Variants in ZNF805 observed in about 807,000 individuals in gnomAD.
The protein encoded by ZNF805 is zinc finger protein 805.
ZNF805 carries 7 observed loss-of-function variants against 13.6 expected under a neutral mutation model. That is an observed-to-expected ratio of 0.51 (90% confidence interval 0.29 to 0.97). The LOEUF (loss-of-function observed/expected upper bound fraction) is 0.97. Among genes scored for constraint, ZNF805 ranks in the 50% least tolerant of loss-of-function variants. The probability of loss-of-function intolerance (pLI) is 0.08; values close to 1 mark genes in which losing one functional copy is unlikely to be tolerated. For synonymous variants in ZNF805, 293 were observed against 279.8 expected, an observed-to-expected ratio of 1.05 and a Z score of -0.47; for missense variants, 604 against 771.0, an observed-to-expected ratio of 0.78 and a Z score of 2.57.
At chr19:57,244,084 G>GCCTT in intron 2 of ZNF805, 35 bp downstream of exon 2, 2 of 1,600,896 alleles carry the variant, frequency 1.2e-6, no homozygotes, top group Non-Finnish European at 1.7e-6. Flanking sequence ...CAGGGGATCT[G>GCCTT]CCACCTCCTT....
rs890971364 is a variant in ZNF805 at position 57,259,745 on chromosome 19, A to G, written c.*5042A>G. Among the ~76,000 whole-genome samples, 9 of 152,158 alleles carry G rather than the reference A, an allele frequency of 5.9e-5. No homozygotes were observed. The highest frequency in any genetic ancestry group is 2.9e-5 in the Non-Finnish European group (2 of 68,014). On this transcript the variant is annotated 3_prime_UTR_variant, in exon 4 of 4. Transcript: ENST00000414468. ...ATGGTCTCGATTTCCTGATCTGGTG[A>G]TCCACCTGCCTCGGCCTCCCGAAGT...
chr19:57,242,174 A>G (rs1440738462), intron 1 of ZNF805, among the ~76,000 whole-genome samples: 2 of 152,256 alleles, frequency 1.3e-5, no homozygotes, highest in African/African-American at 2.4e-5. Flanking sequence ...GCTGAAAGTC[A>G]CATAGCACTT....
At position 57,243,925 on chromosome 19, in the gene ZNF805, G is replaced by A. The variant is rs756295739; in HGVS notation, c.33G>A (p.Val11=). 1.2e-6 allele frequency: 2 copies of A among 1,614,062 alleles called. No individual in the cohort carries two copies. Among genetic ancestry groups the A allele is most frequent in the Non-Finnish European group, 1.7e-6 (2 of 1,180,044 alleles). The change falls in exon 2 of 4, where the codon GTG becomes GTA. Residue 11 remains valine (V), a splice_region_variant and synonymous_variant. Transcript: ENST00000414468. ...ACTACCTCTATTTGACATTTCAGGT[G>A]TCTGTGACCTTTGATGATGTGGCTG... MAMALTDPAQ[V]SVTFDDVAVT...
rs1396111932 is a variant in ZNF805, at chr19:57,256,038, A to T, written c.*1335A>T. 6.6e-6 allele frequency among the ~76,000 whole-genome samples: 1 copy of T among 152,054 alleles called. No homozygotes were observed. The highest frequency in any genetic ancestry group is 1.9e-4 in the East Asian group (1 of 5,196). ...GCTGGGATTTTTTTGGTTATTATTA[A>T]TAAGTGTTGAATTTTGTCATATGCT... On this transcript the variant is annotated 3_prime_UTR_variant, in exon 4 of 4. Transcript: ENST00000414468.
intron 2 of ZNF805, among the ~76,000 whole-genome samples, chr19:57,245,675 A>T (rs1448692533): frequency 6.6e-6 from 1 of 151,124 alleles, no homozygotes; most frequent in African/African-American, 2.4e-5. Flanking sequence ...GCTACTCGGG[A>T]GGCTGAGGCA....
At chr19:57,252,654 A>G (rs1217551799) in intron 3 of ZNF805, among the ~76,000 whole-genome samples, 1 of 152,220 alleles carries the variant, frequency 6.6e-6, no homozygotes, top group Non-Finnish European at 1.5e-5. Flanking sequence ...TGAAGTTTCC[A>G]GCCTTCGTCC....
At chr19:57,249,068 T>G (rs1453533549) in intron 3 of ZNF805, among the ~76,000 whole-genome samples, 1 of 152,164 alleles carries the variant, frequency 6.6e-6, no homozygotes, top group Admixed American at 6.5e-5. Context: ...TGAAAACTCT[T>G]TTTCACTCAT....
rs372307504 is a variant in ZNF805, at chr19:57,254,433, G to A, written c.1614G>A (p.Pro538=). The A allele has an allele frequency of 8.1e-5, 131 of 1,613,816 alleles. No homozygotes were observed. The Middle Eastern group carries it at 2.3e-3, about 28-fold the overall frequency. ...RHSIIHTGEK[P]YECSECGKAF... ...CTATCATCCACACTGGAGAGAAGCC[G>A]TATGAGTGCAGTGAATGTGGAAAGG... The change falls in exon 4 of 4, where the codon CCG becomes CCA. Residue 538 remains proline, a synonymous_variant. Transcript: ENST00000414468.
Position 57,254,623 on chromosome 19 carries a change from A to G in ZNF805, c.1804A>G (p.Asn602Asp). ...KNFLNVTTEE[N>D]LLQEEASYMA... is the part of the protein sequence containing the mutation. Reference sequence around the variant, plus strand: ...CTTTTTGAATGTCACCACTGAGGAAAATCTTTTGCAAGAGGAAGCATCTTA... The same window carrying G: ...CTTTTTGAATGTCACCACTGAGGAAGATCTTTTGCAAGAGGAAGCATCTTA... The change falls in exon 4 of 4, where the codon AAT becomes GAT. Residue 602 changes from asparagine (N) to aspartate (D), a missense_variant. By Grantham distance (23) the Asn-to-Asp change is conservative. Transcript: ENST00000414468. 1.2e-6 allele frequency: 2 copies of G among 1,614,136 alleles called. No homozygotes were observed. The highest frequency in any genetic ancestry group is 4.5e-5 in the East Asian group (2 of 44,890).
intron 2 of ZNF805, among the ~76,000 whole-genome samples, chr19:57,244,689 C>G (rs182006853): frequency 6.6e-6 from 1 of 152,288 alleles, no homozygotes; most frequent in African/African-American, 2.4e-5. Context: ...TGAGAACCGC[C>G]ACGATGGGGT....
At chr19:57,246,955 C>T (rs890397324) in intron 2 of ZNF805, among the ~76,000 whole-genome samples, 2 of 152,028 alleles carry the variant, frequency 1.3e-5, no homozygotes, top group African/African-American at 4.8e-5. Context: ...TTAACTTACT[C>T]AGCACAGATG....
Position 57,254,649 on chromosome 19 carries a change from C to A in ZNF805, c.1830C>A (p.Tyr610Ter). Reference sequence around the variant, plus strand: ...ATCTTTTGCAAGAGGAAGCATCTTACATGGCATCTGATCGTACATACCAAA... The same window carrying A: ...ATCTTTTGCAAGAGGAAGCATCTTAAATGGCATCTGATCGTACATACCAAA... Reference protein sequence around the residue: ...EENLLQEEASYMASDRTYQRE... With the variant: ...EENLLQEEAS Residue 610 changes from tyrosine (Y) to a stop codon, truncating the protein, a stop_gained, in exon 4 of 4, where the codon TAC becomes TAA. Coordinates refer to ENST00000414468, the MANE Select transcript of ZNF805 (RefSeq NM_001023563.4). LOFTEE classifies it low-confidence loss of function (END_TRUNC). The A allele has an allele frequency of 6.2e-7, 1 of 1,614,134 alleles. No individual in the cohort carries two copies. The highest frequency in any genetic ancestry group is 8.5e-7 in the Non-Finnish European group (1 of 1,179,976).
rs879819018 is a variant in ZNF805, at chr19:57,259,966, G to A, written c.*5263G>A. Among the ~76,000 whole-genome samples, 8 of 152,186 alleles carry A rather than the reference G, an allele frequency of 5.3e-5. No homozygotes were observed. The highest frequency in any genetic ancestry group is 4.6e-4 in the Admixed American group (7 of 15,276). On this transcript the variant is annotated 3_prime_UTR_variant, in exon 4 of 4. Coordinates refer to ENST00000414468, the MANE Select transcript of ZNF805 (RefSeq NM_001023563.4). ...AATTATCTGGAGGAGTAGAAGTCCT[G>A]TAATCTTTTATATTGGGCTTCTTAA...
intron 2 of ZNF805, among the ~76,000 whole-genome samples, chr19:57,245,670 T>A (rs896588343): frequency 6.6e-6 from 1 of 150,762 alleles, no homozygotes; most frequent in Non-Finnish European, 1.5e-5. Flanking sequence ...TCCCAGCTAC[T>A]CGGGAGGCTG....
At chr19:57,246,712 G>A (rs2087620763) in intron 2 of ZNF805, among the ~76,000 whole-genome samples, 1 of 151,300 alleles carries the variant, frequency 6.6e-6, no homozygotes. Context: ...GGAGTTGGAG[G>A]TTGCAGTGAG....
intron 2 of ZNF805, among the ~76,000 whole-genome samples, chr19:57,247,802 C>T (rs908650969): frequency 2.6e-5 from 4 of 152,198 alleles, no homozygotes; most frequent in Non-Finnish European, 4.4e-5. Flanking sequence ...CAGTTCTGTG[C>T]TCTTCAGCAA....
At chr19:57,252,300 C>T (rs2087656549) in intron 3 of ZNF805, among the ~76,000 whole-genome samples, 1 of 152,162 alleles carries the variant, frequency 6.6e-6, no homozygotes, top group Non-Finnish European at 1.5e-5. Flanking sequence ...TCAAGTCTAC[C>T]CAAATCCTCT....
In ZNF805 at chr19:57,254,866, A is replaced by G. The variant is rs188588615; in HGVS notation, c.*163A>G. 757 of 695,746 alleles carry G rather than the reference A, an allele frequency of 1.1e-3. 1 individual carries two copies. In the Middle Eastern group the frequency reaches 0.011, roughly 10 times the overall value. The allele number at this position is 695,746 out of a possible 1,614,324, so 43.1% of individuals were successfully genotyped here. ...AGCTCCATCTTTCTCATTAGTTTAC[A>G]GTGCAATGTTATCTCAGGAATTTTT... is the stretch of plus-strand genomic sequence containing the variant. On this transcript the variant is annotated 3_prime_UTR_variant, in exon 4 of 4. Transcript: ENST00000414468.
At chr19:57,245,582 A>G (rs968561271) in intron 2 of ZNF805, among the ~76,000 whole-genome samples, 4 of 149,388 alleles carry the variant, frequency 2.7e-5, no homozygotes, top group East Asian at 4.0e-4. Context: ...GATAGAGACC[A>G]TCCTGGCTAA....
Sources: allele counts gnomAD v4.1 joint callset (sites outside exome capture counted in the v4.1 genomes callset), GRCh38; gene constraint gnomAD v4.1.1; transcripts MANE v1.5; gene names NCBI Gene and HGNC (gene_info 2026-07-23, HGNC 2026-07-21).